SHANK2: variants seen among roughly 807,000 people sequenced by gnomAD.
The protein encoded by SHANK2 is SH3 and multiple ankyrin repeat domains 2.
In SHANK2, 43 loss-of-function variants were observed where a neutral mutation model predicts 133.7. The ratio of observed to expected loss-of-function variants is 0.32; its 90% confidence interval spans 0.25 to 0.41. SHANK2 has a LOEUF of 0.41. Ranked by LOEUF, SHANK2 falls within the 10% of genes least tolerant of loss-of-function variation. The pLI, the probability that SHANK2 is intolerant of heterozygous loss-of-function variation, is 1.00. For missense variants in SHANK2, 1,994 were observed against 2,235.8 expected (o/e 0.89, Z 2.18); for synonymous variants, 1,017 against 952.8 (o/e 1.07, Z -1.24).
chr11:70,572,977 G>A (rs1365757871), intron 17 of SHANK2, among the ~76,000 whole-genome samples: 3 of 152,150 alleles, frequency 2.0e-5, no homozygotes, highest in Non-Finnish European at 2.9e-5. Context: ...GTGGTAGGTC[G>A]GAGTGGCTGC....
chr11:71,059,054 C>T (rs1950956460), intron 9 of SHANK2, among the ~76,000 whole-genome samples: 5 of 152,002 alleles, frequency 3.3e-5, no homozygotes, highest in Admixed American at 3.3e-4. Context: ...TTGTCTCTAC[C>T]AAAAATACAA....
intron 14 of SHANK2, among the ~76,000 whole-genome samples, chr11:70,731,688 T>C (rs554896000): frequency 4.8e-4 from 73 of 152,338 alleles, no homozygotes; most frequent in Admixed American, 1.3e-3. Flanking sequence ...GCTTTCTGGC[T>C]ATTATGGATA....
At chr11:70,904,876 A>T (rs1950077238) in intron 10 of SHANK2, among the ~76,000 whole-genome samples, 1 of 152,124 alleles carries the variant, frequency 6.6e-6, no homozygotes, top group South Asian at 2.1e-4. Context: ...TCCATGTAAG[A>T]TGTGACTTGC....
chr11:70,769,476 T>C (rs1947198121), intron 14 of SHANK2, among the ~76,000 whole-genome samples: 1 of 152,098 alleles, frequency 6.6e-6, no homozygotes, highest in Non-Finnish European at 1.5e-5. Flanking sequence ...ACAGAGCATG[T>C]CCCTGAACAA....
chr11:70,504,018 C>A (rs550613840), intron 17 of SHANK2, among the ~76,000 whole-genome samples: 3 of 152,198 alleles, frequency 2.0e-5, no homozygotes, highest in Non-Finnish European at 2.9e-5. Context: ...TGAATGGGAG[C>A]GCAGCCCAGA....
chr11:71,147,160 G>A lies in SHANK2; in HGVS notation c.167C>T (p.Thr56Met), dbSNP rs782325822. 4.8e-5 allele frequency: 75 copies of A among 1,550,194 alleles called. No individual in the cohort carries two copies. Among genetic ancestry groups the A allele is most frequent in the South Asian group, 5.9e-5 (5 of 84,034 alleles). ...GARTEESQGN[T>M]LVIRVVIHDL... The stretch of plus-strand genomic sequence containing the variant: ...ATGGATGACCACGCGGATCACCAGC[G>A]TGTTGCCCTGGCTCTCCTCCGTCCT... The change falls in exon 3 of 26, where the codon ACG becomes ATG. Residue 56 changes from threonine (T) to methionine (M), a missense_variant. Coordinates refer to ENST00000601538, the MANE Select transcript of SHANK2 (RefSeq NM_012309.5).
intron 14 of SHANK2, among the ~76,000 whole-genome samples, chr11:70,755,902 G>C (rs1215459604): frequency 6.6e-6 from 1 of 152,220 alleles, no homozygotes; most frequent in Non-Finnish European, 1.5e-5. Flanking sequence ...CCATCTTACA[G>C]GATGGCTTTC....
chr11:70,517,896 T>C (rs1241857896), intron 17 of SHANK2, among the ~76,000 whole-genome samples: 1 of 152,192 alleles, frequency 6.6e-6, no homozygotes, highest in Non-Finnish European at 1.5e-5. Flanking sequence ...GCTTCTCAAC[T>C]GTGTGGGACA....
intron 14 of SHANK2, among the ~76,000 whole-genome samples, chr11:70,769,622 C>T (rs1555042209): frequency 1.3e-5 from 2 of 152,192 alleles, no homozygotes; most frequent in Non-Finnish European, 2.9e-5. Context: ...CGTGCATGCA[C>T]ATGTACACAT....
chr11:70,768,774 T>G (rs1555041993), intron 14 of SHANK2, among the ~76,000 whole-genome samples: 1 of 152,164 alleles, frequency 6.6e-6, no homozygotes. Flanking sequence ...CAGTGGTGGC[T>G]GCAGGGGTGT....
Position 71,175,441 on chromosome 11 carries a change from A to C in SHANK2, c.-12-28103T>G, listed in dbSNP as rs1953411532. Among the ~76,000 whole-genome samples the C allele has an allele frequency of 6.6e-6, 1 of 151,908 alleles. No homozygotes were observed. The highest frequency in any genetic ancestry group is 6.6e-5 in the Admixed American group (1 of 15,242). ...AAGAGAGCAGGAGGAAGGAAAGAAA[A>C]AGAGGGAGAGGAGGGGGAGAAATAG... On this transcript the variant is annotated intron_variant, in intron 2 of 25. Coordinates refer to ENST00000601538, the MANE Select transcript of SHANK2 (RefSeq NM_012309.5). The surrounding 1 kb of genome is among the most constrained non-coding windows in gnomAD (Gnocchi z 4.2).
In SHANK2 at chr11:70,473,326, T is replaced by C; in HGVS notation, c.5093A>G (p.Glu1698Gly). The change falls in exon 26 of 26, where the codon GAA becomes GGA. Residue 1698 changes from glutamate to glycine, a missense_variant. Around this residue, in one of 5 missense-constraint regions of SHANK2, gnomAD observed 797 missense variants for 907.4 expected, o/e 0.88. Coordinates refer to ENST00000601538, the MANE Select transcript of SHANK2 (RefSeq NM_012309.5). This position sits in a 1 kb window ranked among gnomAD's most constrained non-coding sequence, Gnocchi z 5.9. ...ITLQSRPPDY[E>G]SRTSGTRRAP... ...ACGTCTTGTTCCTGAGGTCCTGCTT[T>C]CATAGTCGGGGGGCCGGCTCTGCAG... 5 of 1,613,648 alleles carry C rather than the reference T, an allele frequency of 3.1e-6. No homozygotes were observed. Among genetic ancestry groups the C allele is most frequent in the Non-Finnish European group, 4.2e-6 (5 of 1,179,996 alleles).
At chr11:70,923,209 G>A (rs1480788669) in intron 10 of SHANK2, among the ~76,000 whole-genome samples, 4 of 152,144 alleles carry the variant, frequency 2.6e-5, no homozygotes, top group Admixed American at 6.6e-5. Context: ...CCTCCAATAT[G>A]ACTGCCCTGA....
At chr11:71,170,744 A>G (rs564110052) in intron 2 of SHANK2, among the ~76,000 whole-genome samples, 2 of 152,330 alleles carry the variant, frequency 1.3e-5, no homozygotes, top group African/African-American at 4.8e-5. Context: ...AGGGGTCTCC[A>G]AAGAGGCAAG....
intron 17 of SHANK2, among the ~76,000 whole-genome samples, chr11:70,573,073 C>T (rs897241776): frequency 3.3e-5 from 5 of 152,226 alleles, no homozygotes; most frequent in South Asian, 4.2e-4. Flanking sequence ...CGCGAAGGAA[C>T]GGACTGCCGG....
intron 21 of SHANK2, chr11:70,495,859 A>G: frequency 5.5e-6 from 1 of 181,874 alleles, no homozygotes. Context: ...CTGATACTGT[A>G]CACAGGTGCA....
intron 21 of SHANK2, among the ~76,000 whole-genome samples, chr11:70,493,628 G>A (rs1565536136): frequency 6.6e-6 from 1 of 152,088 alleles, no homozygotes; most frequent in African/African-American, 2.4e-5. Context: ...TCTTCCAGTC[G>A]CGATGTGCAT....
At chr11:70,779,184 C>T (rs918108815) in intron 14 of SHANK2, among the ~76,000 whole-genome samples, 1 of 151,898 alleles carries the variant, frequency 6.6e-6, no homozygotes. Flanking sequence ...CCTTAAAACA[C>T]AGAGCGGCTG....
chr11:70,505,290 C>T (rs538375196), intron 17 of SHANK2, among the ~76,000 whole-genome samples: 1 of 152,136 alleles, frequency 6.6e-6, no homozygotes, highest in African/African-American at 2.4e-5. Context: ...GTGCTGAGGC[C>T]CGATGCAGAG....
Sources: allele counts gnomAD v4.1 joint callset (sites outside exome capture counted in the v4.1 genomes callset), GRCh38; gene constraint gnomAD v4.1.1; regional missense constraint gnomAD v4.1.1; non-coding constraint Gnocchi (gnomAD v3.1); transcripts MANE v1.5; gene names NCBI Gene and HGNC (gene_info 2026-07-23, HGNC 2026-07-21).